ASTN2: variants seen among roughly 807,000 people sequenced by gnomAD.
ASTN2 encodes the protein astrotactin 2.
A neutral mutation model predicts 139.8 loss-of-function variants in ASTN2; 54 were observed. The ratio of observed to expected loss-of-function variants is 0.39; its 90% CI spans 0.31 to 0.48. ASTN2 has a LOEUF of 0.48. Among genes scored for constraint, ASTN2 ranks in the 20% least tolerant of loss-of-function variants. The pLI is 0.95. For missense variants in ASTN2, 1,565 were observed against 1,725.1 expected (o/e 0.91, Z 1.64); for synonymous variants, 756 against 719.5 (o/e 1.05, Z -0.81).
chr9:117,018,899 C>G (rs1837794550), intron 6 of ASTN2, among the ~76,000 whole-genome samples: 1 of 151,930 alleles, frequency 6.6e-6, no homozygotes, highest in African/African-American at 2.4e-5. Flanking sequence ...GAAATTGGAG[C>G]TAAAAGAGGT....
At chr9:117,366,153 C>G (rs1829838589) in intron 1 of ASTN2, among the ~76,000 whole-genome samples, 1 of 152,116 alleles carries the variant, frequency 6.6e-6, no homozygotes, top group African/African-American at 2.4e-5. Flanking sequence ...TGAATAAATA[C>G]ACAGATAAAG....
chr9:117,077,537 C>T (rs752524931), intron 5 of ASTN2, among the ~76,000 whole-genome samples: 1 of 152,082 alleles, frequency 6.6e-6, no homozygotes, highest in Non-Finnish European at 1.5e-5. Context: ...CACTTAAGCC[C>T]AGGAGTTCAA....
At chr9:116,759,659 G>T (rs764288039) in intron 13 of ASTN2, among the ~76,000 whole-genome samples, 1 of 152,134 alleles carries the variant, frequency 6.6e-6, no homozygotes, top group Non-Finnish European at 1.5e-5. Flanking sequence ...GAAGCCTGAC[G>T]TGATCACTGT....
At chr9:116,911,323 T>C (rs1378112314) in intron 10 of ASTN2, among the ~76,000 whole-genome samples, 7 of 152,196 alleles carry the variant, frequency 4.6e-5, no homozygotes, top group Admixed American at 4.6e-4. Flanking sequence ...ATTACCCAGA[T>C]TGAGGAACAT....
intron 11 of ASTN2, among the ~76,000 whole-genome samples, chr9:116,829,041 C>T (rs1590604): frequency 0.073 from 11,099 of 151,984 alleles, 556 homozygotes; most frequent in East Asian, 0.22. Flanking sequence ...ACATCCCATG[C>T]TCATGAATTG....
intron 20 of ASTN2, among the ~76,000 whole-genome samples, chr9:116,469,165 C>T (rs967456489): frequency 2.6e-5 from 4 of 152,124 alleles, no homozygotes; most frequent in Non-Finnish European, 4.4e-5. Flanking sequence ...TACTCAAAAA[C>T]TAATAGAATA....
chr9:117,164,961 G>C (rs1454174836), intron 3 of ASTN2, among the ~76,000 whole-genome samples: 1 of 152,062 alleles, frequency 6.6e-6, no homozygotes, highest in African/African-American at 2.4e-5. Context: ...CCATTTTACA[G>C]TTGAAAAACC....
intron 6 of ASTN2, among the ~76,000 whole-genome samples, chr9:117,009,576 G>A (rs141656958): frequency 2.6e-5 from 4 of 152,256 alleles, no homozygotes; most frequent in Admixed American, 6.5e-5. Flanking sequence ...GACAGGGAGC[G>A]TGAGTCTAGA....
intron 19 of ASTN2, among the ~76,000 whole-genome samples, chr9:116,569,852 T>C (rs1448556145): frequency 6.6e-6 from 1 of 152,206 alleles, no homozygotes; most frequent in African/African-American, 2.4e-5. Flanking sequence ...ATGCAAGGCC[T>C]TGGGGAAATG....
chr9:117,115,935 G>T (rs1021217398), intron 4 of ASTN2, among the ~76,000 whole-genome samples: 6 of 151,838 alleles, frequency 4.0e-5, no homozygotes, highest in Non-Finnish European at 8.8e-5. Flanking sequence ...TGAGGCAGGA[G>T]AATGGCGTGA....
intron 1 of ASTN2, among the ~76,000 whole-genome samples, chr9:117,322,776 C>A (rs1564145846): frequency 6.6e-6 from 1 of 152,132 alleles, no homozygotes; most frequent in East Asian, 1.9e-4. Flanking sequence ...TATGCCTGGG[C>A]CCCCAGCACA....
At chr9:116,713,467 G>A (rs1828226259) in intron 16 of ASTN2, among the ~76,000 whole-genome samples, 1 of 152,094 alleles carries the variant, frequency 6.6e-6, no homozygotes, top group African/African-American at 2.4e-5. Flanking sequence ...CAGAGCCAAG[G>A]GGTTGCTAGG....
chr9:117,037,761 T>A (rs556058778), intron 6 of ASTN2, among the ~76,000 whole-genome samples: 32 of 152,318 alleles, frequency 2.1e-4, no homozygotes, highest in Admixed American at 3.9e-4. Context: ...ATACTTGCTC[T>A]GTTGTTTTTT....
chr9:116,429,916 C>G (rs1392429379), intron 22 of ASTN2, among the ~76,000 whole-genome samples: 2 of 152,166 alleles, frequency 1.3e-5, no homozygotes, highest in Admixed American at 6.5e-5. Context: ...AATAATGAAA[C>G]AGCATTTTCA....
chr9:116,925,573 G>C (rs569601326), intron 10 of ASTN2, among the ~76,000 whole-genome samples: 2 of 152,020 alleles, frequency 1.3e-5, no homozygotes, highest in Non-Finnish European at 2.9e-5. Flanking sequence ...ACACAGATAC[G>C]ATAAAGGAAG....
At chr9:117,227,851 G>A (rs1044899530) in intron 2 of ASTN2, among the ~76,000 whole-genome samples, 2 of 152,074 alleles carry the variant, frequency 1.3e-5, no homozygotes, top group Non-Finnish European at 2.9e-5. Context: ...AAAGTAAAGG[G>A]GTGAAAGGGA....
In ASTN2 at chr9:116,698,823, A is replaced by T. The variant is rs1262205918; in HGVS notation, c.2806+26948T>A. 4 of 1,614,072 alleles carry T rather than the reference A, an allele frequency of 2.5e-6. No individual in the cohort carries two copies. The highest frequency in any genetic ancestry group is 3.4e-6 in the Non-Finnish European group (4 of 1,180,052). On this transcript the variant is annotated intron_variant, in intron 16 of 22. Coordinates refer to ENST00000313400, the MANE Select transcript of ASTN2 (RefSeq NM_001365068.1). The surrounding 1 kb of genome is among the most constrained non-coding windows in gnomAD (Gnocchi z 4.4). ...CCAGCAGTGCCTCTTTCTCAAGAAG[A>T]TGGGGGCCAAAGGCAGCACTCCAGG...
chr9:116,800,077 G>T (rs1830804305), intron 13 of ASTN2, among the ~76,000 whole-genome samples: 1 of 152,108 alleles, frequency 6.6e-6, no homozygotes, highest in Non-Finnish European at 1.5e-5. Context: ...CCCTTCCGAG[G>T]AATAAACTGT....
chr9:116,464,918 C>T (rs73655125), intron 20 of ASTN2, among the ~76,000 whole-genome samples: 2,691 of 152,276 alleles, frequency 0.018, 89 homozygotes, highest in African/African-American at 0.063. Flanking sequence ...AAGAAACTTG[C>T]AAAGAAGGTG....
Sources: allele counts gnomAD v4.1 joint callset (sites outside exome capture counted in the v4.1 genomes callset), GRCh38; gene constraint gnomAD v4.1.1; non-coding constraint Gnocchi (gnomAD v3.1); transcripts MANE v1.5; gene names NCBI Gene and HGNC (gene_info 2026-07-23, HGNC 2026-07-21).